PARD3: variants seen among roughly 807,000 people sequenced by gnomAD.
PARD3 encodes partitioning defective 3 homolog.
A neutral mutation model predicts 155.4 loss-of-function variants in PARD3; 75 were observed. That is an observed-to-expected ratio of 0.48 (90% CI 0.40 to 0.58). PARD3 has a LOEUF of 0.58. PARD3 is among the 20% of genes least tolerant of loss of function. PARD3 has a pLI of 0.00. For synonymous variants in PARD3, 576 were observed against 610.5 expected (o/e 0.94, Z 0.83); for missense variants, 1,642 against 1,721.7 (o/e 0.95, Z 0.82).
At chr10:34,231,147 T>TAC (rs1293675835) in intron 22 of PARD3, among the ~76,000 whole-genome samples, 2 of 151,178 alleles carry the variant, frequency 1.3e-5, no homozygotes, top group African/African-American at 4.9e-5. Flanking sequence ...CACATATATA[T>TAC]ACATGTTCAA....
chr10:34,404,547 T>C (rs1844239920), intron 5 of PARD3, among the ~76,000 whole-genome samples: 1 of 152,004 alleles, frequency 6.6e-6, no homozygotes, highest in Non-Finnish European at 1.5e-5. Context: ...ATAGTATCAA[T>C]TTAAACTAAA....
In PARD3 at chr10:34,135,781, T is replaced by C. The variant is rs114267911; in HGVS notation, c.3420-4198A>G. On this transcript the variant is annotated intron_variant, in intron 22 of 24. Transcript: ENST00000374788. ...TGTATATGAGAACCATTCAAAGAGC[T>C]TGTTAAAAAAATACTGATTGCCAAG... Among the ~76,000 whole-genome samples the C allele has an allele frequency of 5.4e-3, 820 of 152,294 alleles. 3 individuals are homozygous for C. Among genetic ancestry groups the C allele is most frequent in the African/African-American group, 0.018 (740 of 41,550 alleles).
rs118075889 is a variant in PARD3 at position 34,451,804 on chromosome 10, G to A, written c.583-1356C>T. Among the ~76,000 whole-genome samples the A allele has an allele frequency of 7.4e-3, 1,087 of 147,434 alleles. 7 individuals carry two copies. Among genetic ancestry groups the A allele is most frequent in the Non-Finnish European group, 0.012 (796 of 67,226 alleles). On this transcript the variant is annotated intron_variant, in intron 4 of 24. Transcript: ENST00000374788. ...TTTTTTTTTTTAATAGAAATGGTAA[G>A]GAGAAGACATGGACAAAAACTAACT...
chr10:34,320,162 T>A (rs1274554682), intron 19 of PARD3, among the ~76,000 whole-genome samples: 1 of 152,166 alleles, frequency 6.6e-6, no homozygotes, highest in African/African-American at 2.4e-5. Context: ...TGTGACTTTA[T>A]CCTGACCAAA....
At chr10:34,112,197 T>C (rs1489039639) in intron 24 of PARD3, among the ~76,000 whole-genome samples, 11 of 152,226 alleles carry the variant, frequency 7.2e-5, no homozygotes, top group Admixed American at 7.2e-4. Flanking sequence ...TCATCCAGAT[T>C]GGACGGAGAG....
At position 34,174,578 on chromosome 10, in the gene PARD3, A is replaced by T. The variant is rs540128479; in HGVS notation, c.3420-42995T>A. On this transcript the variant is annotated intron_variant, in intron 22 of 24. Transcript: ENST00000374788. ...CAGTGAGGCCACCTGTCTGGCTGGC[A>T]TAAAAGGGACAGTATCAGGCAAAAA... Among the ~76,000 whole-genome samples, 6 of 152,334 alleles carry T rather than the reference A, an allele frequency of 3.9e-5. No homozygotes were observed. In the East Asian group the frequency reaches 9.6e-4, roughly 24 times the overall value.
chr10:34,494,045 G>C (rs552568708), intron 3 of PARD3, among the ~76,000 whole-genome samples: 1 of 152,170 alleles, frequency 6.6e-6, no homozygotes, highest in Non-Finnish European at 1.5e-5. Context: ...GGTTTTCAGA[G>C]AGCCGGCTAT....
chr10:34,594,424 T>C (rs2089042323), intron 2 of PARD3, among the ~76,000 whole-genome samples: 2 of 152,184 alleles, frequency 1.3e-5, no homozygotes, highest in Non-Finnish European at 1.5e-5. Context: ...TTTTATTAAC[T>C]GTGTGATGCA....
At chr10:34,186,707 C>T (rs1203398042) in intron 22 of PARD3, among the ~76,000 whole-genome samples, 1 of 152,128 alleles carries the variant, frequency 6.6e-6, no homozygotes, top group African/African-American at 2.4e-5. Context: ...TCCTGTGACC[C>T]GTCAGCCTCT....
At chr10:34,626,653 C>A (rs1172580591) in intron 2 of PARD3, among the ~76,000 whole-genome samples, 2 of 152,070 alleles carry the variant, frequency 1.3e-5, no homozygotes, top group Non-Finnish European at 1.5e-5. Flanking sequence ...CTTTGAGAGC[C>A]CTAACTCATA....
chr10:34,673,201 G>A (rs1203871393), intron 2 of PARD3, among the ~76,000 whole-genome samples: 1 of 152,148 alleles, frequency 6.6e-6, no homozygotes, highest in African/African-American at 2.4e-5. Context: ...AATAACTAAG[G>A]AGAACCTGCT....
At chr10:34,376,412 A>T (rs1384364169) in intron 10 of PARD3, among the ~76,000 whole-genome samples, 1 of 152,178 alleles carries the variant, frequency 6.6e-6, no homozygotes, top group African/African-American at 2.4e-5. Flanking sequence ...GAGCCAGAAA[A>T]GGACAGATAT....
chr10:34,575,772 T>A (rs2134200068), intron 2 of PARD3, among the ~76,000 whole-genome samples: 1 of 152,220 alleles, frequency 6.6e-6, no homozygotes, highest in South Asian at 2.1e-4. Flanking sequence ...GGCGGGTGCC[T>A]GTAATCCCAG....
At chr10:34,235,637 T>C (rs922619290) in intron 22 of PARD3, among the ~76,000 whole-genome samples, 7 of 152,106 alleles carry the variant, frequency 4.6e-5, no homozygotes, top group Non-Finnish European at 8.8e-5. Flanking sequence ...CAAACAAATG[T>C]GTGTGTGTGA....
chr10:34,576,422 C>T (rs2086893238), intron 2 of PARD3, among the ~76,000 whole-genome samples: 1 of 151,736 alleles, frequency 6.6e-6, no homozygotes, highest in Non-Finnish European at 1.5e-5. Flanking sequence ...AAATACAAGT[C>T]AAATTAAATC....
chr10:34,409,605 C>T (rs550308116), intron 5 of PARD3, among the ~76,000 whole-genome samples: 1 of 152,322 alleles, frequency 6.6e-6, no homozygotes, highest in South Asian at 2.1e-4. Flanking sequence ...AACACTGGCA[C>T]CGCTTGTTTT....
chr10:34,495,300 A>G (rs1018966573), intron 3 of PARD3, among the ~76,000 whole-genome samples: 1 of 152,140 alleles, frequency 6.6e-6, no homozygotes, highest in Non-Finnish European at 1.5e-5. Flanking sequence ...GACCTCATCC[A>G]ACACACAGTC....
chr10:34,202,100 G>T (rs1229386025), intron 22 of PARD3: 1 of 152,096 alleles, frequency 6.6e-6, no homozygotes, highest in Non-Finnish European at 1.5e-5. Flanking sequence ...TAGAGACAGG[G>T]TCTCTCTTTG....
At chr10:34,543,950 A>G (rs2083843441) in intron 2 of PARD3, among the ~76,000 whole-genome samples, 2 of 152,204 alleles carry the variant, frequency 1.3e-5, no homozygotes, top group Admixed American at 1.3e-4. Context: ...GGCACTCATC[A>G]AGAAAATTAC....
Sources: allele counts gnomAD v4.1 joint callset (sites outside exome capture counted in the v4.1 genomes callset), GRCh38; gene constraint gnomAD v4.1.1; transcripts MANE v1.5; gene names NCBI Gene and HGNC (gene_info 2026-07-23, HGNC 2026-07-21).